Variants in ATP2C2 observed in about 807,000 individuals in gnomAD.
The protein encoded by ATP2C2 is calcium-transporting ATPase type 2C member 2.
In ATP2C2, 171 loss-of-function variants were observed where a neutral mutation model predicts 110.8. The ratio of observed to expected loss-of-function variants is 1.54; its 90% CI spans 1.36 to 1.75. The LOEUF is 1.75. Among genes scored for constraint, ATP2C2 ranks in the 40% most tolerant of loss-of-function variants. The probability of loss-of-function intolerance (pLI) is 0.00; values close to 1 mark genes in which losing one functional copy is unlikely to be tolerated. For synonymous variants in ATP2C2, 804 were observed against 508.4 expected (o/e 1.58, Z -7.82); for missense variants, 1,963 against 1,235.0 (o/e 1.59, Z -8.84).
intron 23 of ATP2C2, 108 bp downstream of exon 23, chr16:84,459,494 A>C: frequency 1.3e-6 from 2 of 1,585,974 alleles, no homozygotes; most frequent in South Asian, 2.2e-5. Flanking sequence ...AAATACAGCC[A>C]CTTTCCATCA....
At chr16:84,408,315 A>T in intron 3 of ATP2C2, 90 bp from the exon 4 acceptor site, 1 of 1,251,792 alleles carries the variant, frequency 8.0e-7, no homozygotes, top group South Asian at 1.2e-5. Flanking sequence ...CTGAACTGAG[A>T]CCCCTGTCAC....
At chr16:84,461,540 C>G (rs1911337394) in intron 24 of ATP2C2, 174 bp from the exon 25 acceptor site, 5 of 684,630 alleles carry the variant, frequency 7.3e-6, no homozygotes, top group Non-Finnish European at 1.3e-5. Context: ...CTGGGGAGAC[C>G]CTGGGGTAGC....
chr16:84,429,814 G>A (rs776917071), intron 11 of ATP2C2, among the ~76,000 whole-genome samples: 10 of 152,110 alleles, frequency 6.6e-5, no homozygotes, highest in South Asian at 2.1e-4. Flanking sequence ...CAGGCTGCAG[G>A]GCTGGAAACA....
chr16:84,433,345 TGCACTCCAACCTGG>T (rs1908446644), intron 11 of ATP2C2, among the ~76,000 whole-genome samples: 2 of 152,010 alleles, frequency 1.3e-5, no homozygotes, highest in Non-Finnish European at 2.9e-5. Context: ...ATCTTGCCAC[TGCACTCCAACCTGG>T]GCAACACAGC....
At chr16:84,404,934 C>T (rs769514745) in intron 2 of ATP2C2, 194 bp from the exon 3 acceptor site, 30 of 669,502 alleles carry the variant, frequency 4.5e-5, no homozygotes, top group Non-Finnish European at 7.4e-5. Flanking sequence ...ATAATGGTCA[C>T]TGGCTTGTGC....
intron 1 of ATP2C2, among the ~76,000 whole-genome samples, chr16:84,391,898 A>G (rs761869234): frequency 2.0e-5 from 3 of 148,316 alleles, no homozygotes; most frequent in Non-Finnish European, 4.5e-5. Context: ...CCCTCCCTTC[A>G]TCTTTCCTTC....
intron 11 of ATP2C2, among the ~76,000 whole-genome samples, chr16:84,437,488 G>A (rs1908849224): frequency 6.6e-6 from 1 of 152,102 alleles, no homozygotes; most frequent in Non-Finnish European, 1.5e-5. Context: ...TGGTATTATA[G>A]GTGTGAGCTA....
In ATP2C2 at chr16:84,410,696, C is replaced by T. The variant is rs780659835; in HGVS notation, c.454-8C>T. 1.9e-6 allele frequency: 3 copies of T among 1,614,078 alleles called. No homozygotes were observed. Among genetic ancestry groups the T allele is most frequent in the African/African-American group, 1.3e-5 (1 of 75,046 alleles). On this transcript the variant is annotated splice_region_variant and splice_polypyrimidine_tract_variant and intron_variant, in intron 5 of 26. Coordinates refer to ENST00000262429, the MANE Select transcript of ATP2C2 (RefSeq NM_014861.4). ...TTTAAACAGCACATCTGATGTGCTT[C>T]CTGCCAGGAGTACAGGTCGGAGAAA...
chr16:84,414,830 G>T (rs1906690192), intron 6 of ATP2C2, among the ~76,000 whole-genome samples: 1 of 152,150 alleles, frequency 6.6e-6, no homozygotes, highest in Middle Eastern at 3.2e-3. Flanking sequence ...TTTGGTACCA[G>T]GGTCATGGGA....
intron 1 of ATP2C2, among the ~76,000 whole-genome samples, chr16:84,377,632 C>T (rs897174653): frequency 1.3e-5 from 2 of 152,080 alleles, no homozygotes; most frequent in African/African-American, 4.8e-5. Context: ...CCACCAATGA[C>T]ATCATTTAGC....
At chr16:84,406,980 A>G (rs982404133) in intron 3 of ATP2C2, among the ~76,000 whole-genome samples, 1 of 152,058 alleles carries the variant, frequency 6.6e-6, no homozygotes, top group Non-Finnish European at 1.5e-5. Context: ...ATTTCTTGAG[A>G]GCAGAGGACC....
rs184214348 is a variant in ATP2C2 at position 84,429,634 on chromosome 16, A to T, written c.986+3833A>T. On this transcript the variant is annotated intron_variant, in intron 11 of 26. Coordinates refer to ENST00000262429, the MANE Select transcript of ATP2C2 (RefSeq NM_014861.4). Reference sequence around the variant, plus strand: ...TCAAAGATTGTAGGTCTCAGTGGGGATGGAGAATCGATGGGAATCAAGGGC... The same window carrying T: ...TCAAAGATTGTAGGTCTCAGTGGGGTTGGAGAATCGATGGGAATCAAGGGC... Among the ~76,000 whole-genome samples, 39 of 152,002 alleles carry T rather than the reference A, an allele frequency of 2.6e-4. No homozygotes were observed. The East Asian group carries it at 7.5e-3, about 29-fold the overall frequency.
intron 24 of ATP2C2, 55 bp from the exon 25 acceptor site, chr16:84,461,659 A>C: frequency 6.6e-7 from 1 of 1,519,536 alleles, no homozygotes; most frequent in Non-Finnish European, 9.1e-7. Context: ...CCTTTGGTTC[A>C]GGATGGAGGT....
At chr16:84,387,418 A>C (rs993583716) in intron 1 of ATP2C2, among the ~76,000 whole-genome samples, 2 of 152,174 alleles carry the variant, frequency 1.3e-5, no homozygotes, top group Admixed American at 1.3e-4. Flanking sequence ...AGGCTGAGGC[A>C]GGAGAATCAC....
At position 84,448,506 on chromosome 16, in the gene ATP2C2, G is replaced by A. The variant is rs532211887; in HGVS notation, c.1504-27G>A. The A allele has an allele frequency of 1.1e-5, 18 of 1,594,296 alleles. No individual in the cohort carries two copies. The African/African-American group carries it at 2.4e-4, about 21-fold the overall frequency. ...ATGAACCAAGGCTTCCAGTGATAGTGGATTTCTTCCCTTTGTCTTTTCTAA... is the reference window on the plus strand; with the variant it reads ...ATGAACCAAGGCTTCCAGTGATAGTAGATTTCTTCCCTTTGTCTTTTCTAA... On this transcript the variant is annotated intron_variant, in intron 16 of 26. Coordinates refer to ENST00000262429, the MANE Select transcript of ATP2C2 (RefSeq NM_014861.4).
In ATP2C2 at chr16:84,451,561, C is replaced by T. The variant is rs187768624; in HGVS notation, c.1661-360C>T. The stretch of plus-strand genomic sequence containing the variant: ...GTGGGGGCTGGCTAACAAAGGGCTG[C>T]GCACGTTGCCTCACACCTGTAATCC... On this transcript the variant is annotated intron_variant, in intron 17 of 26. Transcript: ENST00000262429. Among the ~76,000 whole-genome samples the T allele has an allele frequency of 5.3e-5, 8 of 152,256 alleles. No individual in the cohort carries two copies. In the East Asian group the frequency reaches 5.8e-4, roughly 11 times the overall value.
intron 3 of ATP2C2, among the ~76,000 whole-genome samples, chr16:84,405,507 C>T (rs770042379): frequency 2.4e-4 from 36 of 151,470 alleles, no homozygotes; most frequent in Admixed American, 7.2e-4. Context: ...AGTAAGCATG[C>T]GCTTACTAAT....
chr16:84,378,216 C>T (rs1910362692), intron 1 of ATP2C2, among the ~76,000 whole-genome samples: 1 of 152,206 alleles, frequency 6.6e-6, no homozygotes, highest in South Asian at 2.1e-4. Context: ...CCTGTCTTTG[C>T]CTCTCCAGCT....
chr16:84,453,059 C>G, intron 18 of ATP2C2, 79 bp from the exon 19 acceptor site: 6 of 1,419,898 alleles, frequency 4.2e-6, no homozygotes, highest in Non-Finnish European at 5.8e-6. Flanking sequence ...TTGGTGTTCC[C>G]CATGGCCGAG....
Sources: allele counts gnomAD v4.1 joint callset (sites outside exome capture counted in the v4.1 genomes callset), GRCh38; gene constraint gnomAD v4.1.1; transcripts MANE v1.5; gene names NCBI Gene and HGNC (gene_info 2026-07-23, HGNC 2026-07-21).